UNC80: variants seen among roughly 807,000 people sequenced by gnomAD.
The protein encoded by UNC80 is unc-80 subunit of NALCN channel complex, also known as protein unc-80 homolog.
A neutral mutation model predicts 384.6 loss-of-function variants in UNC80; 164 were observed. The ratio of observed to expected loss-of-function variants is 0.43; its 90% CI spans 0.38 to 0.49. UNC80 has a LOEUF of 0.49. Among genes scored for constraint, UNC80 ranks in the 20% least tolerant of loss-of-function variants. The pLI is 0.00. For missense variants in UNC80, 3,330 were observed against 4,143.0 expected (o/e 0.80, Z 5.39); for synonymous variants, 1,486 against 1,527.8 (o/e 0.97, Z 0.64).
intron 64 of UNC80, among the ~76,000 whole-genome samples, chr2:209,994,487 C>T (rs1479749639): frequency 1.3e-5 from 2 of 152,106 alleles, no homozygotes; most frequent in Non-Finnish European, 2.9e-5. Context: ...CTATTTTTAC[C>T]TATGAAAAAC....
In UNC80 at chr2:209,839,279, C is replaced by T. The variant is rs768500267; in HGVS notation, c.3099C>T (p.Phe1033=). 1.4e-5 allele frequency: 22 copies of T among 1,551,578 alleles called. 1 individual carries two copies. The South Asian group carries it at 2.5e-4, about 18-fold the overall frequency. ...LGRKDFWRKM[F]KSQSAASDTS... ...GGAAAGATTTCTGGCGTAAGATGTTCAAGTCCCAGAGTGCAGCAAGTGACA... is the reference window on the plus strand; with the variant it reads ...GGAAAGATTTCTGGCGTAAGATGTTTAAGTCCCAGAGTGCAGCAAGTGACA... Residue 1033 remains phenylalanine (F), a synonymous_variant, in exon 19 of 65, where the codon TTC becomes TTT. Coordinates refer to ENST00000673920, the MANE Select transcript of UNC80 (RefSeq NM_001371986.1). The surrounding 1 kb of genome is among the most constrained non-coding windows in gnomAD (Gnocchi z 4.1).
intron 54 of UNC80, among the ~76,000 whole-genome samples, chr2:209,971,270 G>A (rs2092876435): frequency 6.6e-6 from 1 of 152,050 alleles, no homozygotes; most frequent in African/African-American, 2.4e-5. Flanking sequence ...TAATTAAAAG[G>A]CAGTAATATT....
At position 209,785,326 on chromosome 2, in the gene UNC80, A is replaced by G. The variant is rs371511848; in HGVS notation, c.601-740A>G. Reference sequence around the variant, plus strand: ...AATGTCATGTATTTGTACTTATACAATATGATAGCAGAGGATATGCTCTTG... The same window carrying G: ...AATGTCATGTATTTGTACTTATACAGTATGATAGCAGAGGATATGCTCTTG... On this transcript the variant is annotated intron_variant, in intron 4 of 64. Coordinates refer to ENST00000673920, the MANE Select transcript of UNC80 (RefSeq NM_001371986.1). Among the ~76,000 whole-genome samples the G allele has an allele frequency of 3.7e-4, 57 of 152,334 alleles. No individual in the cohort carries two copies. In the South Asian group the frequency reaches 0.012, roughly 31 times the overall value.
intron 4 of UNC80, among the ~76,000 whole-genome samples, 158 bp from the exon 5 acceptor site, chr2:209,785,890 AACTTTGGGTCATTGGTTT>A (rs1441699149): frequency 6.6e-6 from 1 of 152,236 alleles, no homozygotes; most frequent in Non-Finnish European, 1.5e-5. Context: ...TTGCAGTGAT[AACTTTGGGTCATTGGTTT>A]ACTCTAGAAA....
intron 29 of UNC80, among the ~76,000 whole-genome samples, chr2:209,911,498 A>C (rs991667726): frequency 1.3e-5 from 2 of 152,174 alleles, no homozygotes; most frequent in Admixed American, 1.3e-4. Context: ...CTCGTCACAT[A>C]ATAGATGCAT....
In UNC80 at chr2:209,894,337, C is replaced by A; in HGVS notation, c.4451C>A (p.Ser1484Tyr). Residue 1484 changes from serine (S) to tyrosine (Y), a missense_variant, in exon 27 of 65, where the codon TCC becomes TAC. Coordinates refer to ENST00000673920, the MANE Select transcript of UNC80 (RefSeq NM_001371986.1). ...TCTGAGGCTGAGGAGCTGCAGCTGT[C>A]CCAGAGCAGGGACACTGTCACTGAC... is the stretch of plus-strand genomic sequence containing the variant. ...SESEAEELQL[S>Y]QSRDTVTDLE... 1.0e-6 allele frequency: 1 copy of A among 985,310 alleles called. No homozygotes were observed. The highest frequency in any genetic ancestry group is 1.2e-6 in the Non-Finnish European group (1 of 829,904). The allele number at this position is 985,310 out of a possible 1,614,324, so 61.0% of individuals were successfully genotyped here. A position where few individuals can be genotyped will look rare whatever the true frequency, so the allele number is the denominator to read the frequency against.
chr2:209,833,067 T>C lies in UNC80; in HGVS notation c.2776-935T>C, dbSNP rs1440451782. 2.0e-5 allele frequency among the ~76,000 whole-genome samples: 3 copies of C among 152,324 alleles called. No individual in the cohort carries two copies. In the East Asian group the frequency reaches 5.8e-4, roughly 29 times the overall value. ...CTTGCCCCATTCCTAGAGGAACTAC[T>C]GCAGAGCAGAGTGAGGGGCACAGCG... is the stretch of plus-strand genomic sequence containing the variant. On this transcript the variant is annotated intron_variant, in intron 16 of 64. Transcript: ENST00000673920.
At chr2:209,813,152 A>G (rs944684814) in intron 7 of UNC80, among the ~76,000 whole-genome samples, 1 of 152,236 alleles carries the variant, frequency 6.6e-6, no homozygotes, top group South Asian at 2.1e-4. Flanking sequence ...TGATCTTAGC[A>G]TAAAGGAAGC....
chr2:209,895,643 A>G (rs929327258), intron 27 of UNC80, among the ~76,000 whole-genome samples: 1 of 152,166 alleles, frequency 6.6e-6, no homozygotes, highest in Non-Finnish European at 1.5e-5. Context: ...CAGGTTGAAA[A>G]CATTGTTTTG....
intron 13 of UNC80, among the ~76,000 whole-genome samples, chr2:209,824,773 T>C (rs1242661167): frequency 1.3e-5 from 2 of 152,154 alleles, no homozygotes; most frequent in African/African-American, 4.8e-5. Context: ...AACCTTATCA[T>C]AGTAAGGCCC....
intron 13 of UNC80, among the ~76,000 whole-genome samples, chr2:209,822,571 A>G (rs1442501309): frequency 2.6e-5 from 4 of 152,214 alleles, no homozygotes; most frequent in Non-Finnish European, 5.9e-5. Flanking sequence ...AAAAAAGAGA[A>G]TATTATGAAA....
chr2:209,796,735 A>G (rs2078184104), intron 7 of UNC80, among the ~76,000 whole-genome samples: 1 of 152,204 alleles, frequency 6.6e-6, no homozygotes, highest in African/African-American at 2.4e-5. Context: ...CCATGTAAGA[A>G]GTGCCTTTCA....
rs1426501850 is a variant in UNC80, at chr2:209,999,174, AAG to A, written c.*3581_*3582del. 6.6e-6 allele frequency: 1 copy of A among 152,232 alleles called. No individual in the cohort carries two copies. The highest frequency in any genetic ancestry group is 1.5e-5 in the Non-Finnish European group (1 of 68,044). The allele number at this position is 152,232 out of a possible 1,614,324, so 9.4% of individuals were successfully genotyped here. On this transcript the variant is annotated 3_prime_UTR_variant, in exon 65 of 65. Transcript: ENST00000673920. ...GTCTATTATGAGTACTGAATGACCAAAGAACATGGAAAAAATGCATATGAATA... is the reference window on the plus strand; with the variant it reads ...GTCTATTATGAGTACTGAATGACCAAAACATGGAAAAAATGCATATGAATA...
intron 38 of UNC80, among the ~76,000 whole-genome samples, chr2:209,932,349 C>G (rs994222101): frequency 2.6e-5 from 4 of 152,164 alleles, no homozygotes; most frequent in Admixed American, 1.3e-4. Context: ...CTACACCACA[C>G]GAAAACCAAA....
At position 209,931,952 on chromosome 2, in the gene UNC80, A is replaced by C. The variant is rs113342144; in HGVS notation, c.5994+898A>C. Among the ~76,000 whole-genome samples, 602 of 152,224 alleles carry C rather than the reference A, an allele frequency of 4.0e-3. 3 individuals carry two copies. Among genetic ancestry groups the C allele is most frequent in the African/African-American group, 0.014 (578 of 41,520 alleles). ...AGTCTCTAGGAATTCTCCCTCCTTC[A>C]CACTGCTTTTGTCTCTATAGCTATG... On this transcript the variant is annotated intron_variant, in intron 38 of 64. Transcript: ENST00000673920.
intron 21 of UNC80, among the ~76,000 whole-genome samples, chr2:209,845,706 A>T (rs1012949445): frequency 2.0e-5 from 3 of 152,220 alleles, no homozygotes; most frequent in African/African-American, 7.2e-5. Context: ...AAGAGAATAT[A>T]GCTTGTATAT....
chr2:209,977,138 G>A, intron 58 of UNC80, 60 bp downstream of exon 58: 2 of 1,418,722 alleles, frequency 1.4e-6, no homozygotes, highest in East Asian at 2.5e-5. Context: ...AGCCTACAAA[G>A]AATCCCTCTG....
intron 7 of UNC80, chr2:209,796,496 G>A (rs1403790012): frequency 6.6e-6 from 1 of 152,186 alleles, no homozygotes; most frequent in Non-Finnish European, 1.5e-5. Context: ...AGGCGCAAGG[G>A]GTGGAATGAT....
chr2:209,937,477 GATGTTTA>G, intron 41 of UNC80, 45 bp from the exon 42 acceptor site: 1 of 1,333,348 alleles, frequency 7.5e-7, no homozygotes, highest in Non-Finnish European at 1.1e-6. Flanking sequence ...AATGAGAAAA[GATGTTTA>G]ATCTTTTGAA....
Sources: allele counts gnomAD v4.1 joint callset (sites outside exome capture counted in the v4.1 genomes callset), GRCh38; gene constraint gnomAD v4.1.1; non-coding constraint Gnocchi (gnomAD v3.1); transcripts MANE v1.5; gene names NCBI Gene and HGNC (gene_info 2026-07-23, HGNC 2026-07-21).